The following MCTP1 variants were observed in gnomAD, a reference collection of about 807,000 sequenced individuals.
MCTP1 encodes the protein multiple C2 and transmembrane domain containing 1.
Under a neutral mutation model 120.6 loss-of-function variants are expected in MCTP1, and 69 were observed. The ratio of observed to expected loss-of-function variants is 0.57; its 90% CI spans 0.47 to 0.70. MCTP1 has a LOEUF of 0.70. Among genes scored for constraint, MCTP1 ranks in the 30% least tolerant of loss-of-function variants. The probability of loss-of-function intolerance (pLI) is 0.00; values close to 1 mark genes in which losing one functional copy is unlikely to be tolerated. For missense variants in MCTP1, 1,203 were observed against 1,248.8 expected (o/e 0.96, Z 0.55); for synonymous variants, 529 against 493.1 (o/e 1.07, Z -0.96).
At chr5:94,937,816 A>G (rs1816571294) in intron 5 of MCTP1, among the ~76,000 whole-genome samples, 2 of 152,044 alleles carry the variant, frequency 1.3e-5, no homozygotes, top group South Asian at 2.1e-4. Flanking sequence ...CTGACTATAC[A>G]TTATCAAATC....
At chr5:94,867,336 CTCTT>C in intron 17 of MCTP1, 1 of 1,533,398 alleles carries the variant, frequency 6.5e-7, no homozygotes, top group Admixed American at 2.0e-5. Flanking sequence ...GACGTAGACA[CTCTT>C]TGTTCCATGT....
At chr5:95,051,059 T>C (rs980255838) in intron 1 of MCTP1, among the ~76,000 whole-genome samples, 2 of 152,138 alleles carry the variant, frequency 1.3e-5, no homozygotes, top group South Asian at 4.1e-4. Flanking sequence ...CACTTTGAGC[T>C]GAGACTTCCA....
intron 3 of MCTP1, among the ~76,000 whole-genome samples, chr5:94,951,391 T>C (rs190083646): frequency 5.0e-4 from 76 of 152,346 alleles, no homozygotes; most frequent in Non-Finnish European, 8.8e-5. Flanking sequence ...AATTCATATG[T>C]AACCCTTTCA....
chr5:94,952,279 T>C (rs1197419496), intron 3 of MCTP1, among the ~76,000 whole-genome samples: 2 of 151,306 alleles, frequency 1.3e-5, no homozygotes, highest in East Asian at 2.0e-4. Context: ...TAATGACTTA[T>C]AGAAAATTAA....
chr5:95,037,441 C>T (rs982376708), intron 1 of MCTP1, among the ~76,000 whole-genome samples: 8 of 152,138 alleles, frequency 5.3e-5, no homozygotes, highest in African/African-American at 1.7e-4. Context: ...AATATAACAA[C>T]ATGTTAACGT....
At chr5:95,121,026 C>T (rs1758184522) in intron 1 of MCTP1, among the ~76,000 whole-genome samples, 1 of 152,046 alleles carries the variant, frequency 6.6e-6, no homozygotes, top group African/African-American at 2.4e-5. Flanking sequence ...TGCCTGTAAT[C>T]CTAGCACTTT....
At chr5:95,180,292 C>G (rs916377075) in intron 1 of MCTP1, among the ~76,000 whole-genome samples, 3 of 152,194 alleles carry the variant, frequency 2.0e-5, no homozygotes, top group African/African-American at 7.2e-5. Context: ...ACTATTTTCC[C>G]TCTCCATTCC....
intron 1 of MCTP1, among the ~76,000 whole-genome samples, chr5:95,166,514 T>C (rs1371696466): frequency 6.6e-6 from 1 of 152,090 alleles, no homozygotes; most frequent in African/African-American, 2.4e-5. Flanking sequence ...TACTTGAAAT[T>C]GTGAATATGC....
At chr5:94,830,440 T>C (rs1215679754) in intron 17 of MCTP1, among the ~76,000 whole-genome samples, 2 of 152,228 alleles carry the variant, frequency 1.3e-5, no homozygotes, top group Non-Finnish European at 2.9e-5. Context: ...ACATTTCTTT[T>C]CTCATGGAAT....
At chr5:94,721,871 G>A (rs1240793045) in intron 19 of MCTP1, among the ~76,000 whole-genome samples, 1 of 141,536 alleles carries the variant, frequency 7.1e-6, no homozygotes, top group Non-Finnish European at 1.5e-5. Context: ...GCATTATTAA[G>A]GTTTCTTTTG....
chr5:95,178,268 T>C (rs562183953), intron 1 of MCTP1, among the ~76,000 whole-genome samples: 1 of 152,338 alleles, frequency 6.6e-6, no homozygotes, highest in East Asian at 1.9e-4. Flanking sequence ...CTGCCTGCCC[T>C]GGCAGCTGAA....
chr5:95,243,772 G>A (rs1316605782), intron 1 of MCTP1, among the ~76,000 whole-genome samples: 1 of 152,164 alleles, frequency 6.6e-6, no homozygotes, highest in African/African-American at 2.4e-5. Context: ...GAAGAATTTG[G>A]TGATGGATTG....
At chr5:94,781,078 AATG>A (rs1776468121) in intron 18 of MCTP1, among the ~76,000 whole-genome samples, 1 of 152,122 alleles carries the variant, frequency 6.6e-6, no homozygotes, top group Non-Finnish European at 1.5e-5. Context: ...GATTTTCTGA[AATG>A]ATGATTATTT....
chr5:94,998,868 A>G (rs1833111162), intron 2 of MCTP1, among the ~76,000 whole-genome samples: 1 of 152,178 alleles, frequency 6.6e-6, no homozygotes, highest in Admixed American at 6.6e-5. Context: ...GACATTGCCC[A>G]AACCTGATGA....
chr5:95,284,569 G>C lies in MCTP1; in HGVS notation c.7C>G (p.Pro3Ala). Residue 3 changes from proline (P) to alanine (A), a missense_variant, in exon 1 of 23, where the codon CCC (proline) becomes GCC (alanine). Physicochemically the swap from Pro to Ala is conservative, Grantham distance 27 (BLOSUM62 -1). Transcript: ENST00000515393. The surrounding 1 kb of genome is among the most constrained non-coding windows in gnomAD (Gnocchi z 5.2). ...GGCTCGCCCGCCGCGGCAGCCCGGGGCTCCATCCTCCACCCCCTGCTCCTC... is the reference window on the plus strand; with the variant it reads ...GGCTCGCCCGCCGCGGCAGCCCGGGCCTCCATCCTCCACCCCCTGCTCCTC... ME[P>A]RAAAAGEPEP... is the part of the protein sequence containing the mutation. 7.0e-7 allele frequency: 1 copy of C among 1,434,462 alleles called. No homozygotes were observed. Among genetic ancestry groups the C allele is most frequent in the Non-Finnish European group, 9.0e-7 (1 of 1,107,190 alleles). The allele number at this position is 1,434,462 out of a possible 1,614,324, so 88.9% of individuals were successfully genotyped here.
chr5:95,097,561 A>T (rs151222543), intron 1 of MCTP1, among the ~76,000 whole-genome samples: 214 of 151,822 alleles, frequency 1.4e-3, no homozygotes, highest in East Asian at 6.0e-3. Flanking sequence ...AACACCTTCA[A>T]TGCACTGCAA....
rs114628599 is a variant in MCTP1 at position 94,846,201 on chromosome 5, T to C, written c.2436+22132A>G. Among the ~76,000 whole-genome samples the C allele has an allele frequency of 5.6e-3, 856 of 152,252 alleles. 5 individuals are homozygous for C. The highest frequency in any genetic ancestry group is 0.02 in the African/African-American group (839 of 41,542). ...ATTCTATCATAGAGACATATGCACA[T>C]GTATGCTCATTGCAGCACTGTTTAC... On this transcript the variant is annotated intron_variant, in intron 17 of 22. Transcript: ENST00000515393.
At chr5:95,238,542 G>C (rs6893480) in intron 1 of MCTP1, among the ~76,000 whole-genome samples, 3,903 of 152,120 alleles carry the variant, frequency 0.026, 184 homozygotes, top group African/African-American at 0.089. Context: ...ACTCATATCA[G>C]AGTTCACTTG....
chr5:94,891,196 G>A (rs930765893), intron 11 of MCTP1, among the ~76,000 whole-genome samples: 10 of 146,696 alleles, frequency 6.8e-5, no homozygotes, highest in Non-Finnish European at 9.2e-5. Flanking sequence ...ATCTTTTATT[G>A]TTTTTAAACA....
Sources: gnomAD v4.1 joint callset for allele counts (sites outside exome capture counted in the v4.1 genomes callset) on GRCh38, gnomAD v4.1.1 for gene constraint, Gnocchi (gnomAD v3.1) non-coding constraint, MANE v1.5 for transcripts, NCBI Gene and HGNC (gene_info 2026-07-23, HGNC 2026-07-21) for gene names.